FGD6: variants seen among roughly 807,000 people sequenced by gnomAD.
The protein encoded by FGD6 is FYVE, RhoGEF and PH domain-containing protein 6.
FGD6 carries 90 observed loss-of-function variants against 149.4 expected under a neutral mutation model. The observed-to-expected ratio is 0.60, with a 90% CI of 0.51 to 0.72. The LOEUF (loss-of-function observed/expected upper bound fraction) is 0.72. Ranked by LOEUF, FGD6 falls within the 30% of genes least tolerant of loss-of-function variation. The probability of loss-of-function intolerance (pLI) is 0.00; values close to 1 mark genes in which losing one functional copy is unlikely to be tolerated. For synonymous variants in FGD6, 527 were observed against 584.0 expected (o/e 0.90, Z 1.41); for missense variants, 1,437 against 1,684.8 (o/e 0.85, Z 2.57).
intron 8 of FGD6, among the ~76,000 whole-genome samples, chr12:95,126,877 G>T (rs527572797): frequency 6.6e-6 from 1 of 152,240 alleles, no homozygotes; most frequent in African/African-American, 2.4e-5. Flanking sequence ...GCAGTGAGCT[G>T]AGATCATACC....
intron 11 of FGD6, among the ~76,000 whole-genome samples, chr12:95,108,033 G>T (rs1416899802): frequency 6.6e-6 from 1 of 152,094 alleles, no homozygotes; most frequent in Non-Finnish European, 1.5e-5. Context: ...TTACATTAAA[G>T]ATGTTAAATG....
At position 95,217,216 on chromosome 12, in the gene FGD6, G is replaced by T; in HGVS notation, c.16+9C>A. 1.2e-6 allele frequency: 2 copies of T among 1,612,426 alleles called. No homozygotes were observed. The highest frequency in any genetic ancestry group is 1.7e-6 in the Non-Finnish European group (2 of 1,178,898). On this transcript the variant is annotated intron_variant, in intron 1 of 20. Coordinates refer to ENST00000343958, the MANE Select transcript of FGD6 (RefSeq NM_018351.4). ...ACTTTCCCGCGGCAGCGCGAGCGCC[G>T]TCACTTACCGGCTGCAGAAGTCATG...
intron 3 of FGD6, among the ~76,000 whole-genome samples, chr12:95,162,313 A>G (rs1880667599): frequency 6.6e-6 from 1 of 152,064 alleles, no homozygotes; most frequent in Non-Finnish European, 1.5e-5. Flanking sequence ...ACTTGAGGCC[A>G]GGAGTTCAAG....
rs117251443 is a variant in FGD6, at chr12:95,088,993, G to A, written c.3978+576C>T. Among the ~76,000 whole-genome samples the A allele has an allele frequency of 8.9e-4, 135 of 152,264 alleles. 1 individual carries two copies. The East Asian group carries it at 0.017, about 19-fold the overall frequency. The stretch of plus-strand genomic sequence containing the variant: ...ACCTCACTAATAAACTGATCATAAC[G>A]GAGTAGCCAAAATGGCAATGCTGTT... On this transcript the variant is annotated intron_variant, in intron 18 of 20. Coordinates refer to ENST00000343958, the MANE Select transcript of FGD6 (RefSeq NM_018351.4).
chr12:95,194,455 G>A (rs999159756), intron 2 of FGD6, among the ~76,000 whole-genome samples: 9 of 152,106 alleles, frequency 5.9e-5, no homozygotes, highest in Non-Finnish European at 8.8e-5. Context: ...GGCTGGTCTC[G>A]AACTCCCAAC....
At chr12:95,207,963 G>A (rs1476838380) in intron 2 of FGD6, among the ~76,000 whole-genome samples, 3 of 152,162 alleles carry the variant, frequency 2.0e-5, no homozygotes, top group African/African-American at 7.2e-5. Context: ...ACAAAAGTGA[G>A]AAATAGGCCC....
chr12:95,109,615 C>A (rs1454951329), intron 9 of FGD6, among the ~76,000 whole-genome samples: 1 of 152,032 alleles, frequency 6.6e-6, no homozygotes, highest in Non-Finnish European at 1.5e-5. Context: ...GTAATCCGAA[C>A]ACTTTGGAAG....
intron 2 of FGD6, among the ~76,000 whole-genome samples, chr12:95,180,157 A>T (rs1444240885): frequency 6.6e-6 from 1 of 152,128 alleles, no homozygotes; most frequent in Non-Finnish European, 1.5e-5. Flanking sequence ...GTTAAAAAGA[A>T]ATCAAGGCAC....
chr12:95,110,500 T>C (rs950899140), intron 9 of FGD6, among the ~76,000 whole-genome samples: 3 of 151,870 alleles, frequency 2.0e-5, no homozygotes, highest in Admixed American at 2.0e-4. Flanking sequence ...ACATTACAGG[T>C]GCACACCAGT....
chr12:95,136,632 C>G (rs2136259462), intron 7 of FGD6, among the ~76,000 whole-genome samples: 1 of 152,296 alleles, frequency 6.6e-6, no homozygotes, highest in East Asian at 1.9e-4. Flanking sequence ...GCACCAAAAC[C>G]ATGTTATTTA....
At chr12:95,153,844 T>TA (rs1254432359) in intron 3 of FGD6, among the ~76,000 whole-genome samples, 27 of 152,144 alleles carry the variant, frequency 1.8e-4, no homozygotes, top group African/African-American at 6.5e-4. Flanking sequence ...CGAATTTCCT[T>TA]AAAATCCCTT....
At chr12:95,110,723 T>C in intron 9 of FGD6, among the ~76,000 whole-genome samples, 1 of 152,070 alleles carries the variant, frequency 6.6e-6, no homozygotes, top group East Asian at 1.9e-4. Flanking sequence ...GTGGACACAT[T>C]TCCTGCTTTC....
chr12:95,211,794 T>A (rs889378251), intron 1 of FGD6, among the ~76,000 whole-genome samples: 4 of 152,136 alleles, frequency 2.6e-5, no homozygotes, highest in African/African-American at 9.7e-5. Context: ...CACCTCAGCC[T>A]CCCAAAGTGC....
chr12:95,139,942 C>T (rs938076588), intron 6 of FGD6, among the ~76,000 whole-genome samples: 4 of 152,030 alleles, frequency 2.6e-5, no homozygotes, highest in East Asian at 1.9e-4. Context: ...CGGCCTATCA[C>T]GACCTTTAAA....
intron 5 of FGD6, among the ~76,000 whole-genome samples, chr12:95,144,737 GA>G (rs1262548128): frequency 6.6e-6 from 1 of 151,736 alleles, no homozygotes; most frequent in Non-Finnish European, 1.5e-5. Flanking sequence ...GCCCAGGCTG[GA>G]GTGCAGTGGT....
At chr12:95,140,302 C>G (rs1452456597) in intron 6 of FGD6, among the ~76,000 whole-genome samples, 1 of 152,188 alleles carries the variant, frequency 6.6e-6, no homozygotes, top group African/African-American at 2.4e-5. Flanking sequence ...CAATACCAAC[C>G]TTTTGGTATT....
intron 2 of FGD6, among the ~76,000 whole-genome samples, chr12:95,195,176 T>C (rs1881705769): frequency 2.0e-5 from 3 of 152,098 alleles, no homozygotes; most frequent in Admixed American, 2.0e-4. Context: ...AATCTAACAA[T>C]CCAAATCTCT....
intron 2 of FGD6, among the ~76,000 whole-genome samples, chr12:95,187,681 T>C (rs1784477193): frequency 1.3e-5 from 2 of 149,870 alleles, no homozygotes; most frequent in African/African-American, 4.9e-5. Flanking sequence ...AAAAAGTGAC[T>C]TCAGAGAGGA....
intron 3 of FGD6, among the ~76,000 whole-genome samples, chr12:95,154,244 G>C (rs1880401468): frequency 6.6e-6 from 1 of 152,080 alleles, no homozygotes. Flanking sequence ...ACAGGTGTGA[G>C]CCACTGTGCC....
Sources: allele counts gnomAD v4.1 joint callset (sites outside exome capture counted in the v4.1 genomes callset), GRCh38; gene constraint gnomAD v4.1.1; transcripts MANE v1.5; gene names NCBI Gene and HGNC (gene_info 2026-07-23, HGNC 2026-07-21).